The following ASTN2 variants were observed in gnomAD, a reference collection of about 807,000 sequenced individuals.
ASTN2 encodes astrotactin 2, also known as astrotactin-2.
Under a neutral mutation model 139.8 loss-of-function variants are expected in ASTN2, and 54 were observed. That is an observed-to-expected ratio of 0.39 (90% confidence interval 0.31 to 0.48). ASTN2 has a LOEUF of 0.48. ASTN2 is among the 20% of genes least tolerant of loss of function. The pLI is 0.95. For missense variants in ASTN2, 1,565 were observed against 1,725.1 expected (o/e 0.91, Z 1.64); for synonymous variants, 756 against 719.5 (o/e 1.05, Z -0.81).
intron 10 of ASTN2, among the ~76,000 whole-genome samples, chr9:116,908,421 C>T (rs1834223508): frequency 6.6e-6 from 1 of 152,132 alleles, no homozygotes; most frequent in Non-Finnish European, 1.5e-5. Flanking sequence ...ATTCTTAGTA[C>T]AGAACCTGCC....
chr9:117,380,597 CAAAAAA>C (rs1199618121), intron 1 of ASTN2, among the ~76,000 whole-genome samples: 1 of 92,640 alleles, frequency 1.1e-5, no homozygotes, highest in Non-Finnish European at 2.2e-5. Flanking sequence ...GAGCAAGACT[CAAAAAA>C]AAAAAAAAAA....
chr9:116,526,320 T>C (rs988815895), intron 19 of ASTN2, among the ~76,000 whole-genome samples: 2 of 152,114 alleles, frequency 1.3e-5, no homozygotes, highest in Non-Finnish European at 2.9e-5. Flanking sequence ...GAGTAGTAAA[T>C]GTGACAAAAG....
chr9:116,484,847 T>C (rs368775383), intron 20 of ASTN2, among the ~76,000 whole-genome samples: 2 of 152,216 alleles, frequency 1.3e-5, no homozygotes, highest in East Asian at 3.9e-4. Context: ...TGTTCATCAC[T>C]TTTAAAGAAT....
intron 10 of ASTN2, among the ~76,000 whole-genome samples, chr9:116,937,289 C>T (rs144474764): frequency 1.3e-5 from 2 of 152,246 alleles, no homozygotes; most frequent in East Asian, 3.9e-4. Flanking sequence ...CCTCAGCTTC[C>T]TTCTCCCACC....
chr9:117,339,352 A>T (rs906607897), intron 1 of ASTN2, among the ~76,000 whole-genome samples: 3 of 152,072 alleles, frequency 2.0e-5, no homozygotes, highest in Admixed American at 6.5e-5. Flanking sequence ...GGTACACATG[A>T]TCTGTGTGCC....
At chr9:117,190,659 C>A (rs529463985) in intron 3 of ASTN2, among the ~76,000 whole-genome samples, 7 of 152,102 alleles carry the variant, frequency 4.6e-5, no homozygotes, top group African/African-American at 1.7e-4. Context: ...GTGCCAGGGA[C>A]CTTTATACCT....
In ASTN2 at chr9:117,310,153, T is replaced by C. The variant is rs78094039; in HGVS notation, c.443-18640A>G. 1.6e-3 allele frequency among the ~76,000 whole-genome samples: 250 copies of C among 152,204 alleles called. 1 individual carries two copies. Among genetic ancestry groups the C allele is most frequent in the African/African-American group, 5.5e-3 (230 of 41,548 alleles). On this transcript the variant is annotated intron_variant, in intron 1 of 22. Coordinates refer to ENST00000313400, the MANE Select transcript of ASTN2 (RefSeq NM_001365068.1). The stretch of plus-strand genomic sequence containing the variant: ...ATACATACATGCAAACATGCATCAA[T>C]ATATAACAGGTTTGAGAGGGCGGCA...
intron 19 of ASTN2, among the ~76,000 whole-genome samples, chr9:116,526,735 T>C (rs1269648806): frequency 6.6e-6 from 1 of 152,204 alleles, no homozygotes; most frequent in Admixed American, 6.5e-5. Context: ...ATTTTTAGTA[T>C]GCATCCCTAG....
chr9:117,141,232 G>A (rs151243270), intron 4 of ASTN2, 94 bp downstream of exon 4: 3 of 1,243,210 alleles, frequency 2.4e-6, no homozygotes, highest in African/African-American at 3.1e-5. Context: ...ATGAGCACAG[G>A]GAAGCAAGGG....
At chr9:116,983,505 C>G (rs1340247294) in intron 7 of ASTN2, among the ~76,000 whole-genome samples, 1 of 152,204 alleles carries the variant, frequency 6.6e-6, no homozygotes, top group African/African-American at 2.4e-5. Context: ...TACACCACCA[C>G]AAACATCACA....
intron 7 of ASTN2, among the ~76,000 whole-genome samples, chr9:116,991,564 G>T (rs944945529): frequency 6.8e-6 from 1 of 147,834 alleles, no homozygotes; most frequent in African/African-American, 2.5e-5. Flanking sequence ...ACTTACCAAA[G>T]GTGAATACTT....
intron 7 of ASTN2, among the ~76,000 whole-genome samples, chr9:116,995,171 A>G (rs1216594923): frequency 6.6e-6 from 1 of 152,226 alleles, no homozygotes; most frequent in Admixed American, 6.5e-5. Context: ...TTCACATGTT[A>G]TCTATCCTTC....
At chr9:116,697,756 C>T in intron 16 of ASTN2, 1 of 1,614,070 alleles carries the variant, frequency 6.2e-7, no homozygotes, top group Non-Finnish European at 8.5e-7. Flanking sequence ...GCTGCAGCAG[C>T]AGCTTCTCAC....
chr9:117,085,538 CG>C (rs1828539412), intron 5 of ASTN2, among the ~76,000 whole-genome samples: 1 of 152,166 alleles, frequency 6.6e-6, no homozygotes, highest in African/African-American at 2.4e-5. Flanking sequence ...CCTTGTCATA[CG>C]TTTTCCTACC....
intron 17 of ASTN2, among the ~76,000 whole-genome samples, chr9:116,631,599 G>C (rs1340520765): frequency 6.6e-6 from 1 of 152,018 alleles, no homozygotes; most frequent in East Asian, 1.9e-4. Flanking sequence ...AAAACAGGCT[G>C]GTTAACAGAT....
chr9:116,842,847 G>A (rs556145352), intron 11 of ASTN2, among the ~76,000 whole-genome samples: 12 of 152,072 alleles, frequency 7.9e-5, no homozygotes, highest in Non-Finnish European at 1.5e-4. Context: ...CTTCAGAGTG[G>A]AGGAGACAGA....
intron 1 of ASTN2, among the ~76,000 whole-genome samples, chr9:117,403,222 G>A (rs1277241841): frequency 1.3e-5 from 2 of 152,168 alleles, no homozygotes; most frequent in East Asian, 3.9e-4. Flanking sequence ...AGGAAAGCCT[G>A]GGTTAAATAA....
intron 5 of ASTN2, among the ~76,000 whole-genome samples, chr9:117,068,724 G>A (rs1392640304): frequency 8.5e-6 from 1 of 117,520 alleles, no homozygotes; most frequent in Non-Finnish European, 1.8e-5. Flanking sequence ...ACTTCTTCCT[G>A]GTTTAGTCTT....
At chr9:116,833,906 A>G (rs1831902596) in intron 11 of ASTN2, among the ~76,000 whole-genome samples, 1 of 152,164 alleles carries the variant, frequency 6.6e-6, no homozygotes, top group African/African-American at 2.4e-5. Flanking sequence ...AGGATGGGAG[A>G]CCAGAGTTCC....
Sources: gnomAD v4.1 joint callset for allele counts (sites outside exome capture counted in the v4.1 genomes callset) on GRCh38, gnomAD v4.1.1 for gene constraint, MANE v1.5 for transcripts, NCBI Gene and HGNC (gene_info 2026-07-23, HGNC 2026-07-21) for gene names.